The following RABGAP1L variants were observed in gnomAD, a reference collection of about 807,000 sequenced individuals.
The protein encoded by RABGAP1L is rab GTPase-activating protein 1-like.
In RABGAP1L, 63 loss-of-function variants were observed where a neutral mutation model predicts 137.7. The observed-to-expected ratio is 0.46, with a 90% CI of 0.37 to 0.56. The LOEUF (loss-of-function observed/expected upper bound fraction) is 0.56, where lower values mean the gene tolerates loss of function less well. Ranked by LOEUF, RABGAP1L falls within the 20% of genes least tolerant of loss-of-function variation. The pLI is 0.00. For synonymous variants in RABGAP1L, 431 were observed against 433.7 expected (o/e 0.99, Z 0.08); for missense variants, 1,095 against 1,244.0 (o/e 0.88, Z 1.80).
chr1:174,927,576 T>G (rs573377346), intron 19 of RABGAP1L, among the ~76,000 whole-genome samples: 5 of 152,126 alleles, frequency 3.3e-5, no homozygotes, highest in Non-Finnish European at 7.4e-5. Flanking sequence ...GGTTTTGCTA[T>G]GTTGATCAGA....
chr1:174,796,775 G>A (rs556565705), intron 18 of RABGAP1L, among the ~76,000 whole-genome samples: 19 of 152,202 alleles, frequency 1.2e-4, no homozygotes, highest in East Asian at 5.8e-4. Flanking sequence ...TTGGGAGGCC[G>A]AGACGGGTAG....
At chr1:174,529,523 A>C (rs560588679) in intron 13 of RABGAP1L, among the ~76,000 whole-genome samples, 1 of 152,078 alleles carries the variant, frequency 6.6e-6, no homozygotes, top group Non-Finnish European at 1.5e-5. Context: ...TTTGGGGCCT[A>C]GTGGTGGCAG....
chr1:174,512,751 G>T (rs1289968976), intron 13 of RABGAP1L, among the ~76,000 whole-genome samples: 1 of 152,086 alleles, frequency 6.6e-6, no homozygotes, highest in Non-Finnish European at 1.5e-5. Context: ...GGGTGCACTG[G>T]GGGAGGCCTC....
At chr1:174,489,270 A>G (rs898941768) in intron 13 of RABGAP1L, among the ~76,000 whole-genome samples, 7 of 152,152 alleles carry the variant, frequency 4.6e-5, no homozygotes, top group African/African-American at 1.7e-4. Context: ...AATTTTTGCA[A>G]TCTACCCATC....
intron 18 of RABGAP1L, among the ~76,000 whole-genome samples, chr1:174,790,795 C>T (rs1270648059): frequency 7.1e-6 from 1 of 141,306 alleles, no homozygotes; most frequent in African/African-American, 2.7e-5. Context: ...GGGCAGGGGG[C>T]GGGGGGTATG....
chr1:174,959,603 T>G (rs1668904984), intron 20 of RABGAP1L, among the ~76,000 whole-genome samples: 1 of 152,214 alleles, frequency 6.6e-6, no homozygotes, highest in Admixed American at 6.5e-5. Context: ...CAGGCATTAC[T>G]TTTTAAGTTC....
intron 13 of RABGAP1L, among the ~76,000 whole-genome samples, chr1:174,488,766 G>A (rs929972037): frequency 6.6e-6 from 1 of 150,508 alleles, no homozygotes; most frequent in Non-Finnish European, 1.5e-5. Flanking sequence ...TGTCTTTTTT[G>A]TCTATTTTTA....
chr1:174,644,067 G>T (rs941826524), intron 14 of RABGAP1L, among the ~76,000 whole-genome samples: 35 of 151,762 alleles, frequency 2.3e-4, no homozygotes, highest in East Asian at 3.9e-4. Flanking sequence ...TATTTTGGGG[G>T]TTTTTTTGGT....
rs537428285 is a variant in RABGAP1L at position 174,375,913 on chromosome 1, A to G, written c.1559+4841A>G. 1.4e-4 allele frequency among the ~76,000 whole-genome samples: 22 copies of G among 152,096 alleles called. 2 individuals carry two copies. The South Asian group carries it at 1.7e-3, about 11-fold the overall frequency. On this transcript the variant is annotated intron_variant, in intron 12 of 25. Transcript: ENST00000681986. ...AACCCTATCTCTACTAAAAATATCAAAAAAATTAGCCAGGCATGGTGGTGT... is the reference window on the plus strand; with the variant it reads ...AACCCTATCTCTACTAAAAATATCAGAAAAATTAGCCAGGCATGGTGGTGT...
chr1:174,580,906 A>G (rs1401939738), intron 13 of RABGAP1L, among the ~76,000 whole-genome samples: 4 of 152,194 alleles, frequency 2.6e-5, no homozygotes, highest in Non-Finnish European at 5.9e-5. Context: ...AGACATACAA[A>G]TGGCCAGCTA....
chr1:174,217,276 G>A (rs74128320), intron 1 of RABGAP1L, among the ~76,000 whole-genome samples: 1,865 of 152,266 alleles, frequency 0.012, 47 homozygotes, highest in African/African-American at 0.043. Flanking sequence ...TTTAAGATAC[G>A]ATAAGACTTC....
intron 1 of RABGAP1L, among the ~76,000 whole-genome samples, chr1:174,195,759 CTCT>C (rs1251427141): frequency 1.5e-3 from 179 of 121,290 alleles, no homozygotes; most frequent in African/African-American, 2.7e-3. Context: ...TTCTCTCTTT[CTCT>C]CTTTCTCTCT....
chr1:174,793,729 T>C (rs746751917), intron 18 of RABGAP1L, among the ~76,000 whole-genome samples: 12 of 151,980 alleles, frequency 7.9e-5, no homozygotes, highest in Non-Finnish European at 1.8e-4. Context: ...GGATTTTCAC[T>C]GTGTCACCCA....
chr1:174,578,650 A>AGAG, intron 13 of RABGAP1L, among the ~76,000 whole-genome samples: 1 of 152,190 alleles, frequency 6.6e-6, no homozygotes, highest in Non-Finnish European at 1.5e-5. Context: ...AAATATAAAT[A>AGAG]AACTGATCCA....
intron 14 of RABGAP1L, among the ~76,000 whole-genome samples, chr1:174,639,126 T>G (rs893848741): frequency 7.2e-5 from 11 of 152,282 alleles, no homozygotes; most frequent in Middle Eastern, 6.8e-3. Context: ...TTAAAGTCCT[T>G]GCATGTTGGT....
chr1:174,238,128 CT>C (rs1558058615), intron 4 of RABGAP1L, among the ~76,000 whole-genome samples: 2 of 152,132 alleles, frequency 1.3e-5, no homozygotes, highest in South Asian at 2.1e-4. Flanking sequence ...CCATCAGCTC[CT>C]TTAGGCACTT....
chr1:174,384,884 A>T (rs1686616377), intron 12 of RABGAP1L, among the ~76,000 whole-genome samples: 1 of 152,194 alleles, frequency 6.6e-6, no homozygotes, highest in South Asian at 2.1e-4. Flanking sequence ...ATATTTGGTA[A>T]TTAATTATCT....
At chr1:174,541,790 T>A (rs1374748103) in intron 13 of RABGAP1L, among the ~76,000 whole-genome samples, 1 of 151,702 alleles carries the variant, frequency 6.6e-6, no homozygotes, top group Non-Finnish European at 1.5e-5. Context: ...AAAAAAAAAG[T>A]TTTTAGCGTG....
At chr1:174,776,117 C>T (rs1686507519) in intron 18 of RABGAP1L, among the ~76,000 whole-genome samples, 1 of 152,074 alleles carries the variant, frequency 6.6e-6, no homozygotes. Context: ...CACCTGTAAT[C>T]CCAGCACTTT....
Sources: allele counts gnomAD v4.1 joint callset (sites outside exome capture counted in the v4.1 genomes callset), GRCh38; gene constraint gnomAD v4.1.1; transcripts MANE v1.5; gene names NCBI Gene and HGNC (gene_info 2026-07-23, HGNC 2026-07-21).